The following COL6A6 variants were observed in gnomAD, a reference collection of about 807,000 sequenced individuals.
The protein encoded by COL6A6 is collagen type VI alpha 6 chain.
Under a neutral mutation model 208.6 loss-of-function variants are expected in COL6A6, and 183 were observed. The observed-to-expected ratio is 0.88, with a 90% CI of 0.78 to 0.99. COL6A6 has a LOEUF of 0.99. COL6A6 is among the 50% of genes least tolerant of loss of function. COL6A6 has a pLI of 0.00. For missense variants in COL6A6, 2,816 were observed against 2,815.2 expected (o/e 1.00, Z -0.01); for synonymous variants, 973 against 1,011.8 (o/e 0.96, Z 0.73).
In COL6A6 at chr3:130,599,826, G is replaced by T. The variant is rs1199397829; in HGVS notation, c.4653+16G>T. 1 of 1,612,964 alleles carries T rather than the reference G, an allele frequency of 6.2e-7. No homozygotes were observed. The highest frequency in any genetic ancestry group is 8.5e-7 in the Non-Finnish European group (1 of 1,179,320). On this transcript the variant is annotated intron_variant, in intron 20 of 36. Coordinates refer to ENST00000358511, the MANE Select transcript of COL6A6 (RefSeq NM_001102608.3). ...AAGAAAGACAGTAAGAGCCCTTCTA[G>T]ACAAGGAGACCCACTGTTTTGGTGG...
Position 130,598,439 on chromosome 3 carries a change from G to A in COL6A6, c.4599+9G>A, listed in dbSNP as rs80272327. The A allele has an allele frequency of 0.016, 25,173 of 1,539,760 alleles. 237 individuals carry two copies. Among genetic ancestry groups the A allele is most frequent in the Middle Eastern group, 0.037 (219 of 5,970 alleles). ...GAGAACGTGGAAGACAAGTAATTACGTGGGCTTGTAAAATCGTGATGCAAC... is the reference window on the plus strand; with the variant it reads ...GAGAACGTGGAAGACAAGTAATTACATGGGCTTGTAAAATCGTGATGCAAC... On this transcript the variant is annotated intron_variant, in intron 19 of 36. Coordinates refer to ENST00000358511, the MANE Select transcript of COL6A6 (RefSeq NM_001102608.3).
chr3:130,673,220 A>ACC lies in COL6A6; in HGVS notation c.6597-1982_6597-1981insCC, dbSNP rs571267229. Among the ~76,000 whole-genome samples, 663 of 129,636 alleles carry ACC rather than the reference A, an allele frequency of 5.1e-3. 12 individuals carry two copies. The highest frequency in any genetic ancestry group is 0.018 in the African/African-American group (626 of 34,428). 85.0% of individuals were successfully genotyped at this position (129,636 alleles called of 152,430 possible). On this transcript the variant is annotated intron_variant, in intron 36 of 36. Transcript: ENST00000358511. ...AAAACAAAAAAAACAAAAAAAACAA[A>ACC]AAAAAAAAACAAAACCCAAGTGCAA...
At chr3:130,642,153 C>T (rs571634629) in intron 29 of COL6A6, among the ~76,000 whole-genome samples, 1 of 151,852 alleles carries the variant, frequency 6.6e-6, no homozygotes, top group Non-Finnish European at 1.5e-5. Flanking sequence ...TTGAAAGAAG[C>T]CAGACTCCTC....
chr3:130,559,608 C>T (rs1423729574), intron 1 of COL6A6, among the ~76,000 whole-genome samples: 2 of 151,980 alleles, frequency 1.3e-5, no homozygotes, highest in African/African-American at 4.8e-5. Flanking sequence ...AAAAATAAGC[C>T]CAACCTGCTT....
intron 36 of COL6A6, among the ~76,000 whole-genome samples, chr3:130,672,147 GC>G (rs1481207568): frequency 6.6e-6 from 1 of 152,150 alleles, no homozygotes; most frequent in Non-Finnish European, 1.5e-5. Context: ...ATGTAGCATG[GC>G]TGACTCTTGA....
At chr3:130,559,836 A>T (rs986899682) in intron 1 of COL6A6, among the ~76,000 whole-genome samples, 4 of 152,194 alleles carry the variant, frequency 2.6e-5, no homozygotes. Flanking sequence ...GTTTTGAAAT[A>T]GCTACTGTTT....
At chr3:130,590,014 G>A (rs918000138) in intron 12 of COL6A6, 38 of 449,046 alleles carry the variant, frequency 8.5e-5, no homozygotes, top group Non-Finnish European at 1.6e-4. Context: ...AAAAAACAAG[G>A]CTCAGAAAGA....
intron 24 of COL6A6, among the ~76,000 whole-genome samples, chr3:130,623,475 T>C (rs2064796701): frequency 6.6e-6 from 1 of 152,148 alleles, no homozygotes; most frequent in South Asian, 2.1e-4. Context: ...ATAAATATTA[T>C]GAAGTCTGAG....
intron 33 of COL6A6, among the ~76,000 whole-genome samples, chr3:130,654,432 G>C (rs2065733182): frequency 6.6e-6 from 1 of 152,112 alleles, no homozygotes; most frequent in African/African-American, 2.4e-5. Context: ...ATGGAGTGAA[G>C]GCATGATTCA....
chr3:130,648,464 T>C (rs2065524856), intron 32 of COL6A6, among the ~76,000 whole-genome samples: 1 of 151,930 alleles, frequency 6.6e-6, no homozygotes, highest in Admixed American at 6.5e-5. Context: ...ACTCACATTT[T>C]ACAGATGAAG....
At chr3:130,538,208 A>G (rs773024483) in intron 1 of COL6A6, among the ~76,000 whole-genome samples, 1 of 152,208 alleles carries the variant, frequency 6.6e-6, no homozygotes, top group African/African-American at 2.4e-5. Flanking sequence ...TAAAAAATGA[A>G]TAAAAAATTA....
At chr3:130,527,890 C>CTTTTT (rs56110472) in intron 1 of COL6A6, among the ~76,000 whole-genome samples, 43 of 57,780 alleles carry the variant, frequency 7.4e-4, no homozygotes, top group Admixed American at 1.1e-3. Flanking sequence ...GTTACTTTTC[C>CTTTTT]TTTTTTTTTT....
At chr3:130,639,893 G>A (rs1019020826) in intron 28 of COL6A6, among the ~76,000 whole-genome samples, 1 of 152,106 alleles carries the variant, frequency 6.6e-6, no homozygotes, top group African/African-American at 2.4e-5. Context: ...GGAGAGTAAA[G>A]GTCTGGCTGC....
In COL6A6 at chr3:130,571,320, C is replaced by T. The variant is rs764237408; in HGVS notation, c.2904C>T (p.Phe968=). The part of the protein sequence containing the change: ...AMAGSSDKYF[F]VETFGGLKGI... ...CAGGATCAAGCGACAAGTACTTCTT[C>T]GTGGAGACTTTTGGAGGTCTGAAGG... is the stretch of plus-strand genomic sequence containing the variant. The change falls in exon 7 of 37, where the codon TTC becomes TTT. Residue 968 remains phenylalanine (F), a synonymous_variant. Transcript: ENST00000358511. The T allele has an allele frequency of 5.0e-6, 8 of 1,613,284 alleles. No individual in the cohort carries two copies. The highest frequency in any genetic ancestry group is 4.5e-5 in the East Asian group (2 of 44,894).
intron 1 of COL6A6, among the ~76,000 whole-genome samples, chr3:130,532,910 T>C (rs1457966067): frequency 1.3e-5 from 2 of 152,048 alleles, no homozygotes; most frequent in Non-Finnish European, 2.9e-5. Flanking sequence ...TCACAAAGCC[T>C]CTCCATGGAG....
intron 28 of COL6A6, among the ~76,000 whole-genome samples, chr3:130,637,657 A>T (rs2065196983): frequency 6.6e-6 from 1 of 152,224 alleles, no homozygotes; most frequent in Non-Finnish European, 1.5e-5. Context: ...TTCAACTTAA[A>T]TTCTGAATGC....
chr3:130,542,499 G>A (rs1280137197), intron 1 of COL6A6, among the ~76,000 whole-genome samples: 4 of 152,108 alleles, frequency 2.6e-5, no homozygotes, highest in Admixed American at 1.3e-4. Flanking sequence ...ATATTCTGCT[G>A]TTGTTGGATG....
At chr3:130,524,171 C>G (rs977479294) in intron 1 of COL6A6, among the ~76,000 whole-genome samples, 1 of 152,128 alleles carries the variant, frequency 6.6e-6, no homozygotes, top group African/African-American at 2.4e-5. Context: ...TCAGCTTGCA[C>G]TGGTGAATGA....
chr3:130,570,955 C>A lies in COL6A6; in HGVS notation c.2539C>A (p.Arg847=), dbSNP rs539130714. ...AGCTGATGTGGGCAAGAATCAGGTC[C>A]GGTTTGGGGCTCTGAAGTATGCTGA... ...KKADVGKNQV[R]FGALKYADDP... Residue 847 remains arginine, a synonymous_variant, in exon 7 of 37, where the codon CGG becomes AGG. Transcript: ENST00000358511. 4.3e-6 allele frequency: 7 copies of A among 1,613,934 alleles called. 1 individual carries two copies. The South Asian group carries it at 7.7e-5, about 18-fold the overall frequency.
Sources: allele counts gnomAD v4.1 joint callset (sites outside exome capture counted in the v4.1 genomes callset), GRCh38; gene constraint gnomAD v4.1.1; transcripts MANE v1.5; gene names NCBI Gene and HGNC (gene_info 2026-07-23, HGNC 2026-07-21).